The following CELF2 variants were observed in gnomAD, a reference collection of about 807,000 sequenced individuals.
The protein encoded by CELF2 is CUGBP Elav-like family member 2.
In CELF2, 8 loss-of-function variants were observed where a neutral mutation model predicts 62.6. That is an observed-to-expected ratio of 0.13 (90% confidence interval 0.07 to 0.23). The LOEUF (loss-of-function observed/expected upper bound fraction) is 0.23, where lower values mean the gene tolerates loss of function less well. Ranked by LOEUF, CELF2 falls within the 10% of genes least tolerant of loss-of-function variation. The pLI is 1.00. For missense variants in CELF2, 333 were observed against 671.0 expected, an observed-to-expected ratio of 0.50 and a Z score of 5.56; for synonymous variants, 258 against 250.0, an observed-to-expected ratio of 1.03 and a Z score of -0.30.
At chr10:10,685,773 C>T in the CELF2 span, among the ~76,000 whole-genome samples, 2 of 152,072 alleles carry the variant, frequency 1.3e-5, no homozygotes, top group Non-Finnish European at 2.9e-5. Context: ...TCTAAGTAGA[C>T]CACAGCTACT....
chr10:11,294,213 C>A lies in CELF2; in HGVS notation c.976+5661C>A, dbSNP rs202225830. 7.2e-3 allele frequency among the ~76,000 whole-genome samples: 1,091 copies of A among 152,242 alleles called. 12 individuals are homozygous for A. The highest frequency in any genetic ancestry group is 0.025 in the African/African-American group (1,042 of 41,528). ...AAGGGCATTTCACCTTCAGAAGAAC[C>A]ACCTACTCTAATGTGTGCTTTTGAA... is the stretch of plus-strand genomic sequence containing the variant. On this transcript the variant is annotated intron_variant, in intron 9 of 12. Coordinates refer to ENST00000633077, the MANE Select transcript of CELF2 (RefSeq NM_001326342.2).
At chr10:11,219,658 C>T (rs749328413) in intron 3 of CELF2, among the ~76,000 whole-genome samples, 1 of 152,194 alleles carries the variant, frequency 6.6e-6, no homozygotes, top group Non-Finnish European at 1.5e-5. Flanking sequence ...CATTTATGTA[C>T]AGCTTCGTCC....
At chr10:10,822,865 G>GT (rs1417262152) in intron 1 of CELF2, among the ~76,000 whole-genome samples, 1 of 152,142 alleles carries the variant, frequency 6.6e-6, no homozygotes, top group Non-Finnish European at 1.5e-5. Flanking sequence ...GCAGCTGGCT[G>GT]GCCCTAATAG....
At chr10:10,697,864 C>T in the CELF2 span, among the ~76,000 whole-genome samples, 1 of 152,204 alleles carries the variant, frequency 6.6e-6, no homozygotes, top group Non-Finnish European at 1.5e-5. Context: ...CGGATTTCAG[C>T]TCACTGCAGC....
chr10:10,774,415 C>T, the CELF2 span, among the ~76,000 whole-genome samples: 2 of 152,184 alleles, frequency 1.3e-5, no homozygotes, highest in African/African-American at 4.8e-5. Flanking sequence ...GAGGTGGGAC[C>T]TGGTGGGAGG....
chr10:11,178,111 C>T lies in CELF2; in HGVS notation c.271+12429C>T, dbSNP rs889253606. On this transcript the variant is annotated intron_variant, in intron 2 of 12. Transcript: ENST00000633077. This position sits in a 1 kb window ranked among gnomAD's most constrained non-coding sequence, Gnocchi z 4.3. ...CTGCAGCCATGCTACCTGCCACATG[C>T]CCTGGCCTGCGTCAGCGTTATGGAG... Among the ~76,000 whole-genome samples, 1 of 152,208 alleles carries T rather than the reference C, an allele frequency of 6.6e-6. No homozygotes were observed. The highest frequency in any genetic ancestry group is 2.4e-5 in the African/African-American group (1 of 41,438).
chr10:10,806,092 C>A (rs1451563324), intron 1 of CELF2, among the ~76,000 whole-genome samples: 2 of 152,088 alleles, frequency 1.3e-5, no homozygotes, highest in African/African-American at 4.8e-5. Flanking sequence ...GGCAGTCAGA[C>A]AGATTTCCTG....
At chr10:10,910,813 G>A (rs1371158233) in intron 1 of CELF2, among the ~76,000 whole-genome samples, 2 of 152,124 alleles carry the variant, frequency 1.3e-5, no homozygotes, top group Non-Finnish European at 2.9e-5. Context: ...TCAGTTCTGG[G>A]AGTACAAGTT....
intron 1 of CELF2, among the ~76,000 whole-genome samples, chr10:11,147,103 A>G: frequency 6.6e-6 from 1 of 152,128 alleles, no homozygotes; most frequent in East Asian, 1.9e-4. Context: ...TCATCCATCC[A>G]CCCACCCACT....
Position 10,931,242 on chromosome 10 carries a change from C to T in CELF2, c.89+11243C>T, listed in dbSNP as rs935079130. ...TTGTGTTCATTTTTCAAATAAGCAA[C>T]ATTAGACTCACAAAACACTATATAA... On this transcript the variant is annotated intron_variant, in intron 2 of 13. Transcript: ENST00000636488. This position sits in a 1 kb window ranked among gnomAD's most constrained non-coding sequence, Gnocchi z 6.1. 2.0e-5 allele frequency among the ~76,000 whole-genome samples: 3 copies of T among 152,110 alleles called. No homozygotes were observed. The highest frequency in any genetic ancestry group is 4.8e-5 in the African/African-American group (2 of 41,428).
intron 9 of CELF2, among the ~76,000 whole-genome samples, chr10:11,303,374 T>C (rs1323472305): frequency 3.3e-5 from 5 of 152,222 alleles, no homozygotes; most frequent in Admixed American, 2.6e-4. Flanking sequence ...TGAGAAAGGC[T>C]GCAAAATTAG....
At chr10:11,161,613 T>G (rs1189642708) in intron 1 of CELF2, among the ~76,000 whole-genome samples, 1 of 152,254 alleles carries the variant, frequency 6.6e-6, no homozygotes, top group Non-Finnish European at 1.5e-5. Context: ...GTATATCAAG[T>G]ACTTGGCAAA....
At chr10:11,119,871 C>T (rs1004203859) in intron 1 of CELF2, among the ~76,000 whole-genome samples, 2 of 135,018 alleles carry the variant, frequency 1.5e-5, no homozygotes, top group African/African-American at 5.4e-5. Context: ...GCCTCCCCCC[C>T]CCCGGCCCCC....
At chr10:11,041,567 G>C (rs986288345) in intron 1 of CELF2, among the ~76,000 whole-genome samples, 2 of 152,132 alleles carry the variant, frequency 1.3e-5, no homozygotes, top group African/African-American at 4.8e-5. Context: ...ATGGTATCAG[G>C]GTGGTAAGAC....
the CELF2 span, among the ~76,000 whole-genome samples, chr10:10,582,992 G>C: frequency 2.0e-5 from 3 of 152,172 alleles, no homozygotes; most frequent in Non-Finnish European, 4.4e-5. Context: ...GGACAAGCTG[G>C]AATCTGTGCA....
intron 1 of CELF2, among the ~76,000 whole-genome samples, chr10:11,051,379 T>A (rs545942957): frequency 6.6e-6 from 1 of 152,356 alleles, no homozygotes; most frequent in African/African-American, 2.4e-5. Context: ...CACCTATGTA[T>A]TATTTATGGA....
chr10:10,985,906 G>T (rs955223736), intron 2 of CELF2, among the ~76,000 whole-genome samples: 2 of 152,174 alleles, frequency 1.3e-5, no homozygotes, highest in Non-Finnish European at 2.9e-5. Context: ...CCATAGAATA[G>T]GCATGTGGGC....
intron 1 of CELF2, among the ~76,000 whole-genome samples, chr10:11,061,008 C>T (rs1448294453): frequency 6.6e-6 from 1 of 152,116 alleles, no homozygotes; most frequent in Non-Finnish European, 1.5e-5. Context: ...CTGCAATGGC[C>T]TTTAACTGTT....
At chr10:11,257,925 T>C in intron 5 of CELF2, 53 bp downstream of exon 5, 1 of 1,603,762 alleles carries the variant, frequency 6.2e-7, no homozygotes, top group Non-Finnish European at 8.5e-7. Flanking sequence ...TGGAGCTCTG[T>C]GTCACAGTCG....
Sources: allele counts gnomAD v4.1 joint callset (sites outside exome capture counted in the v4.1 genomes callset), GRCh38; gene constraint gnomAD v4.1.1; non-coding constraint Gnocchi (gnomAD v3.1); transcripts MANE v1.5; gene names NCBI Gene and HGNC (gene_info 2026-07-23, HGNC 2026-07-21).